Variants in FBXW8 observed in about 807,000 individuals in gnomAD.
The protein encoded by FBXW8 is F-box and WD repeat domain containing 8, also known as F-box/WD repeat-containing protein 8.
Under a neutral mutation model 65.3 loss-of-function variants are expected in FBXW8, and 57 were observed. The ratio of observed to expected loss-of-function variants is 0.87; its 90% CI spans 0.71 to 1.09. The LOEUF is 1.09. Among genes scored for constraint, FBXW8 ranks in the 50% least tolerant of loss-of-function variants. The pLI is 0.00. For missense variants in FBXW8, 777 were observed against 814.8 expected, an observed-to-expected ratio of 0.95 and a Z score of 0.57; for synonymous variants, 308 against 330.2, an observed-to-expected ratio of 0.93 and a Z score of 0.73.
intron 5 of FBXW8, among the ~76,000 whole-genome samples, chr12:116,967,730 C>T (rs1456701035): frequency 1.3e-5 from 2 of 152,124 alleles, no homozygotes; most frequent in Non-Finnish European, 2.9e-5. Context: ...TAATCCTTGC[C>T]ATATGTGTTT....
At chr12:117,013,633 A>G (rs1315554813) in intron 8 of FBXW8, among the ~76,000 whole-genome samples, 1 of 152,204 alleles carries the variant, frequency 6.6e-6, no homozygotes. Flanking sequence ...AATTTTTCAC[A>G]TCTATGAAAT....
Position 116,988,749 on chromosome 12 carries a change from C to A in FBXW8, c.1119C>A (p.Ala373=). ...AAGDLMYLLK[A]EDSARTLLYA... is the part of the protein sequence containing the mutation. Reference sequence around the variant, plus strand: ...GAGATCTGATGTACCTGCTCAAAGCCGAAGACTCCGCCAGAACCCTCCTTT... The same window carrying A: ...GAGATCTGATGTACCTGCTCAAAGCAGAAGACTCCGCCAGAACCCTCCTTT... The change falls in exon 7 of 11, where the codon GCC becomes GCA. Residue 373 remains alanine (A), a synonymous_variant. Coordinates refer to ENST00000652555, the MANE Select transcript of FBXW8 (RefSeq NM_153348.3). 1 of 1,614,140 alleles carries A rather than the reference C, an allele frequency of 6.2e-7. No individual in the cohort carries two copies. The highest frequency in any genetic ancestry group is 1.7e-5 in the Admixed American group (1 of 60,020).
intron 4 of FBXW8, among the ~76,000 whole-genome samples, chr12:116,963,309 A>G (rs1884102356): frequency 6.6e-6 from 1 of 152,146 alleles, no homozygotes; most frequent in African/African-American, 2.4e-5. Context: ...ACTTCTCTAT[A>G]AGAAATTCCA....
At chr12:117,025,462 C>T (rs139485113) in intron 9 of FBXW8, among the ~76,000 whole-genome samples, 1 of 152,370 alleles carries the variant, frequency 6.6e-6, no homozygotes, top group East Asian at 1.9e-4. Context: ...GGTAAACCGA[C>T]CTCTGAGAAC....
In FBXW8 at chr12:116,936,702, C is replaced by T. The variant is rs181211223; in HGVS notation, c.423+8575C>T. Among the ~76,000 whole-genome samples the T allele has an allele frequency of 6.6e-5, 10 of 152,214 alleles. No homozygotes were observed. The highest frequency in any genetic ancestry group is 1.2e-4 in the Non-Finnish European group (8 of 68,020). On this transcript the variant is annotated intron_variant, in intron 2 of 10. Transcript: ENST00000652555. This position sits in a 1 kb window ranked among gnomAD's most constrained non-coding sequence, Gnocchi z 4.6. ...CACTTCTGGTCTCCGGAACTATAAG[C>T]GAATAAATCTGTATTGTTTTAAGCA...
At chr12:117,006,872 A>G (rs1314583817) in intron 7 of FBXW8, among the ~76,000 whole-genome samples, 1 of 152,238 alleles carries the variant, frequency 6.6e-6, no homozygotes, top group Non-Finnish European at 1.5e-5. Flanking sequence ...TAAACAATCC[A>G]TATGGAGTTG....
chr12:116,999,709 G>C (rs944215951), intron 7 of FBXW8, among the ~76,000 whole-genome samples: 12 of 152,126 alleles, frequency 7.9e-5, no homozygotes, highest in Admixed American at 6.5e-5. Context: ...CTTCTAGACT[G>C]TGGGGAGTCA....
chr12:116,915,041 A>G lies in FBXW8; in HGVS notation c.318+3686A>G, dbSNP rs115832937. 4.1e-3 allele frequency among the ~76,000 whole-genome samples: 624 copies of G among 152,348 alleles called. 3 individuals carry two copies. The highest frequency in any genetic ancestry group is 0.014 in the African/African-American group (579 of 41,576). On this transcript the variant is annotated intron_variant, in intron 1 of 10. Coordinates refer to ENST00000652555, the MANE Select transcript of FBXW8 (RefSeq NM_153348.3). ...CAACTCTCTCCAGTGGCTATTTTCA[A>G]CTAATCTGTAGATGAGCATTAGGAA...
At chr12:116,920,228 C>T (rs1457741731) in intron 1 of FBXW8, among the ~76,000 whole-genome samples, 1 of 152,228 alleles carries the variant, frequency 6.6e-6, no homozygotes, top group Non-Finnish European at 1.5e-5. Context: ...AGCAGGCCTC[C>T]ACTTACGAAC....
intron 2 of FBXW8, among the ~76,000 whole-genome samples, chr12:116,929,290 A>G (rs893327823): frequency 1.3e-5 from 2 of 152,126 alleles, no homozygotes; most frequent in Non-Finnish European, 2.9e-5. Flanking sequence ...GCTGGAGTGC[A>G]GTGGCGCGAT....
chr12:116,918,532 C>T (rs546864390), intron 1 of FBXW8, among the ~76,000 whole-genome samples: 18 of 152,322 alleles, frequency 1.2e-4, no homozygotes, highest in African/African-American at 4.1e-4. Context: ...TATTCACAGA[C>T]AGGCTTTCCT....
intron 2 of FBXW8, among the ~76,000 whole-genome samples, chr12:116,930,421 A>G (rs1261843076): frequency 1.3e-5 from 2 of 152,104 alleles, no homozygotes; most frequent in East Asian, 1.9e-4. Context: ...AAATATACCT[A>G]TTGGCCATTT....
At chr12:117,012,701 G>A (rs996457231) in intron 8 of FBXW8, among the ~76,000 whole-genome samples, 5 of 152,134 alleles carry the variant, frequency 3.3e-5, no homozygotes, top group African/African-American at 1.2e-4. Context: ...CAAATATTAT[G>A]AGGAGAACTA....
At chr12:116,931,106 A>C (rs1215823038) in intron 2 of FBXW8, among the ~76,000 whole-genome samples, 1 of 152,202 alleles carries the variant, frequency 6.6e-6, no homozygotes, top group Non-Finnish European at 1.5e-5. Context: ...CTGTATGTGG[A>C]TATCCAGTTC....
At chr12:116,972,818 A>G (rs1265970454) in intron 5 of FBXW8, among the ~76,000 whole-genome samples, 1 of 152,202 alleles carries the variant, frequency 6.6e-6, no homozygotes, top group Non-Finnish European at 1.5e-5. Context: ...TGTCGTATGT[A>G]TATATGTTTA....
intron 8 of FBXW8, among the ~76,000 whole-genome samples, chr12:117,023,367 C>T (rs553718700): frequency 1.1e-4 from 16 of 152,230 alleles, no homozygotes; most frequent in Admixed American, 8.5e-4. Flanking sequence ...CTCTTAAGCT[C>T]ATCTTTACAT....
rs117507301 is a variant in FBXW8, at chr12:116,948,024, C to T, written c.589-1594C>T. Among the ~76,000 whole-genome samples the T allele has an allele frequency of 1.1e-4, 17 of 152,204 alleles. No individual in the cohort carries two copies. The East Asian group carries it at 2.3e-3, about 21-fold the overall frequency. ...TCGACTTCAGGATGGGTTAGGCAGG[C>T]GATTTGGTTTGGTACCTCTTAAGTC... On this transcript the variant is annotated intron_variant, in intron 3 of 10. Coordinates refer to ENST00000652555, the MANE Select transcript of FBXW8 (RefSeq NM_153348.3).
intron 1 of FBXW8, among the ~76,000 whole-genome samples, chr12:116,913,008 G>A (rs1234371668): frequency 1.3e-5 from 2 of 152,114 alleles, no homozygotes; most frequent in Non-Finnish European, 1.5e-5. Context: ...ATAGATTCTG[G>A]GGATTGAATT....
At chr12:117,011,347 ATAGT>A (rs1248945731) in intron 8 of FBXW8, among the ~76,000 whole-genome samples, 3 of 152,128 alleles carry the variant, frequency 2.0e-5, no homozygotes, top group Admixed American at 2.0e-4. Flanking sequence ...GCTTGCAAAA[ATAGT>A]TATTCTGTCA....
Sources: gnomAD v4.1 joint callset for allele counts (sites outside exome capture counted in the v4.1 genomes callset) on GRCh38, gnomAD v4.1.1 for gene constraint, Gnocchi (gnomAD v3.1) non-coding constraint, MANE v1.5 for transcripts, NCBI Gene and HGNC (gene_info 2026-07-23, HGNC 2026-07-21) for gene names.